The following FNDC3A variants were observed in gnomAD, a reference collection of about 807,000 sequenced individuals.
FNDC3A encodes the protein fibronectin type III domain containing 3A, also known as fibronectin type-III domain-containing protein 3A.
In FNDC3A, 32 loss-of-function variants were observed where a neutral mutation model predicts 148.9. That is an observed-to-expected ratio of 0.21 (90% CI 0.16 to 0.29). FNDC3A has a LOEUF of 0.29. Ranked by LOEUF, FNDC3A falls within the 10% of genes least tolerant of loss-of-function variation. The pLI is 1.00. For synonymous variants in FNDC3A, 472 were observed against 473.6 expected, an observed-to-expected ratio of 1.00 and a Z score of 0.04; for missense variants, 1,191 against 1,452.8, an observed-to-expected ratio of 0.82 and a Z score of 2.93.
intron 8 of FNDC3A, 116 bp from the exon 9 acceptor site, chr13:49,167,128 C>G: frequency 1.8e-6 from 1 of 562,978 alleles, no homozygotes; most frequent in Non-Finnish European, 3.1e-6. Flanking sequence ...AATACAGTTA[C>G]AGTTGGTAAA....
intron 4 of FNDC3A, among the ~76,000 whole-genome samples, chr13:49,129,788 C>T (rs779449725): frequency 3.3e-5 from 5 of 152,160 alleles, no homozygotes; most frequent in South Asian, 2.1e-4. Context: ...AGTCATGTCA[C>T]ACTCCAGTAG....
intron 14 of FNDC3A, among the ~76,000 whole-genome samples, chr13:49,180,894 C>CA (rs112964715): frequency 0.014 from 1,956 of 137,384 alleles, 41 homozygotes; most frequent in African/African-American, 0.043. Flanking sequence ...GATTCTGTCT[C>CA]AAAAAAAAAA....
At chr13:49,025,322 G>C (rs1873622809) in intron 2 of FNDC3A, among the ~76,000 whole-genome samples, 1 of 151,938 alleles carries the variant, frequency 6.6e-6, no homozygotes, top group Non-Finnish European at 1.5e-5. Context: ...GGTAATACTT[G>C]ATATACTTGA....
intron 3 of FNDC3A, among the ~76,000 whole-genome samples, chr13:49,099,259 A>T (rs1879716813): frequency 6.6e-6 from 1 of 152,172 alleles, no homozygotes; most frequent in Admixed American, 6.5e-5. Flanking sequence ...TAAGTAGCTC[A>T]TCTGTCTCTT....
At chr13:49,076,868 C>T (rs1268456004) in intron 3 of FNDC3A, among the ~76,000 whole-genome samples, 1 of 152,152 alleles carries the variant, frequency 6.6e-6, no homozygotes, top group Non-Finnish European at 1.5e-5. Flanking sequence ...TATTCAGTCT[C>T]CCCAGCTAAA....
chr13:49,128,082 A>G (rs571181148), intron 4 of FNDC3A, among the ~76,000 whole-genome samples: 2 of 152,116 alleles, frequency 1.3e-5, no homozygotes, highest in South Asian at 2.1e-4. Flanking sequence ...TAATTTCACC[A>G]TATTGGCCAG....
chr13:49,144,032 C>CTAATAATAA (rs1166963044), intron 7 of FNDC3A, among the ~76,000 whole-genome samples: 2 of 149,890 alleles, frequency 1.3e-5, no homozygotes, highest in African/African-American at 4.9e-5. Flanking sequence ...ACTACTACTA[C>CTAATAATAA]TAATAATAAT....
At chr13:49,015,378 A>G (rs1209428134) in intron 2 of FNDC3A, among the ~76,000 whole-genome samples, 1 of 152,112 alleles carries the variant, frequency 6.6e-6, no homozygotes, top group Non-Finnish European at 1.5e-5. Context: ...ATGGGAGTTC[A>G]CTCATGATTT....
intron 1 of FNDC3A, among the ~76,000 whole-genome samples, chr13:48,977,131 C>T (rs1951618335): frequency 6.6e-6 from 1 of 152,154 alleles, no homozygotes; most frequent in South Asian, 2.1e-4. Flanking sequence ...TTCCTTTGGA[C>T]ACCTTTGTGT....
At chr13:49,136,043 C>T (rs1346161732) in intron 5 of FNDC3A, among the ~76,000 whole-genome samples, 4 of 152,076 alleles carry the variant, frequency 2.6e-5, no homozygotes, top group East Asian at 3.8e-4. Flanking sequence ...CTACAATAAT[C>T]ATAAGTTACC....
chr13:49,164,954 G>A (rs1400048717), intron 8 of FNDC3A, among the ~76,000 whole-genome samples: 1 of 152,176 alleles, frequency 6.6e-6, no homozygotes, highest in Non-Finnish European at 1.5e-5. Flanking sequence ...GTCCTTTGTT[G>A]ATGCTTTTGA....
chr13:49,039,085 A>G (rs554859863), intron 2 of FNDC3A, among the ~76,000 whole-genome samples: 3 of 152,220 alleles, frequency 2.0e-5, no homozygotes, highest in African/African-American at 7.2e-5. Flanking sequence ...GTCAGATGTA[A>G]TGTTATTTTT....
rs369764552 is a variant in FNDC3A at position 48,984,584 on chromosome 13, G to A, written c.-40+8407G>A. ...ATGGAAGAACTGGTCTATAAAGGGT[G>A]TGGGACAATCAACTGTTTAATTGAA... On this transcript the variant is annotated intron_variant, in intron 1 of 25. Coordinates refer to ENST00000492622, the MANE Select transcript of FNDC3A (RefSeq NM_001079673.2). Among the ~76,000 whole-genome samples, 61 of 152,334 alleles carry A rather than the reference G, an allele frequency of 4.0e-4. 2 individuals are homozygous for A. In the South Asian group the frequency reaches 4.8e-3, roughly 12 times the overall value.
At chr13:49,002,121 A>T (rs1027620396) in intron 1 of FNDC3A, among the ~76,000 whole-genome samples, 1 of 152,202 alleles carries the variant, frequency 6.6e-6, no homozygotes, top group Non-Finnish European at 1.5e-5. Flanking sequence ...CTACGTGACT[A>T]TCAGGGGCAG....
intron 25 of FNDC3A, among the ~76,000 whole-genome samples, 171 bp downstream of exon 25, chr13:49,203,455 C>G (rs1886511383): frequency 6.6e-6 from 1 of 152,164 alleles, no homozygotes; most frequent in Admixed American, 6.6e-5. Context: ...ATGAACTACA[C>G]TTGAACAGAT....
At chr13:49,100,197 G>A (rs1937181) in intron 3 of FNDC3A, among the ~76,000 whole-genome samples, 47,771 of 151,796 alleles carry the variant, frequency 0.31, 7,608 homozygotes, top group South Asian at 0.48. Flanking sequence ...TTTTAATAAA[G>A]CATTTTATTT....
intron 1 of FNDC3A, among the ~76,000 whole-genome samples, chr13:48,988,794 A>T (rs1951853146): frequency 6.6e-6 from 1 of 151,760 alleles, no homozygotes; most frequent in Non-Finnish European, 1.5e-5. Context: ...GCAGTGGGCC[A>T]TGATTGTGCC....
intron 4 of FNDC3A, among the ~76,000 whole-genome samples, chr13:49,117,393 T>A (rs1342800278): frequency 6.6e-6 from 1 of 152,222 alleles, no homozygotes; most frequent in African/African-American, 2.4e-5. Flanking sequence ...TTACTTGGTG[T>A]TTCCTTAATG....
chr13:49,004,320 G>A (rs1952180620), intron 1 of FNDC3A, among the ~76,000 whole-genome samples: 1 of 152,014 alleles, frequency 6.6e-6, no homozygotes, highest in Non-Finnish European at 1.5e-5. Flanking sequence ...GAATCTGCAA[G>A]CTTAAATAAA....
Sources: gnomAD v4.1 joint callset for allele counts (sites outside exome capture counted in the v4.1 genomes callset) on GRCh38, gnomAD v4.1.1 for gene constraint, MANE v1.5 for transcripts, NCBI Gene and HGNC (gene_info 2026-07-23, HGNC 2026-07-21) for gene names.